The following HABP4 variants were observed in gnomAD, a reference collection of about 807,000 sequenced individuals.
The protein encoded by HABP4 is hyaluronan binding protein 4, also known as intracellular hyaluronan-binding protein 4.
In HABP4, 32 loss-of-function variants were observed where a neutral mutation model predicts 44.1. The observed-to-expected ratio is 0.73, with a 90% confidence interval of 0.55 to 0.97. The LOEUF is 0.97. Ranked by LOEUF, HABP4 falls within the 50% of genes least tolerant of loss-of-function variation. The pLI is 0.00. For synonymous variants in HABP4, 216 were observed against 218.0 expected (o/e 0.99, Z 0.08); for missense variants, 503 against 561.9 (o/e 0.90, Z 1.06).
intron 6 of HABP4, among the ~76,000 whole-genome samples, chr9:96,486,444 C>A (rs1481780708): frequency 6.6e-6 from 1 of 152,160 alleles, no homozygotes; most frequent in Non-Finnish European, 1.5e-5. Flanking sequence ...ATAAAAATTT[C>A]TCTAAAACAA....
intron 2 of HABP4, among the ~76,000 whole-genome samples, chr9:96,459,731 T>C (rs1474751080): frequency 6.6e-6 from 1 of 152,150 alleles, no homozygotes; most frequent in Admixed American, 6.5e-5. Flanking sequence ...AAAACTATAC[T>C]ATAGAGCCTA....
At position 96,450,778 on chromosome 9, in the gene HABP4, G is replaced by A. The variant is rs945680212; in HGVS notation, c.349+150G>A. 8.2e-6 allele frequency: 5 copies of A among 610,872 alleles called. No individual in the cohort carries two copies. The highest frequency in any genetic ancestry group is 7.0e-6 in the Non-Finnish European group (3 of 427,262). 37.8% of individuals were successfully genotyped at this position (610,872 alleles called of 1,614,324 possible). On this transcript the variant is annotated intron_variant, in intron 1 of 7. Transcript: ENST00000375249. This position sits in a 1 kb window ranked among gnomAD's most constrained non-coding sequence, Gnocchi z 4.8. ...CGAAGGTAGGAGGAGAGGGGCAGGG[G>A]TCACACCCCTTCCAGCTCTCGCCAG...
chr9:96,460,445 CATG>C (rs1461564574), intron 2 of HABP4, among the ~76,000 whole-genome samples: 1 of 152,178 alleles, frequency 6.6e-6, no homozygotes, highest in African/African-American at 2.4e-5. Context: ...TTCCTAAAAA[CATG>C]ATACAATTTT....
Position 96,458,315 on chromosome 9 carries a change from A to G in HABP4, c.350-64A>G, listed in dbSNP as rs941472856. ...AAATGAAATTTACAAGTACCTGTAAAGTTTAATAGTGTGCTGTTGCAGATG... is the reference window on the plus strand; with the variant it reads ...AAATGAAATTTACAAGTACCTGTAAGGTTTAATAGTGTGCTGTTGCAGATG... On this transcript the variant is annotated intron_variant, in intron 1 of 7. Coordinates refer to ENST00000375249, the MANE Select transcript of HABP4 (RefSeq NM_014282.4). 9.9e-6 allele frequency: 14 copies of G among 1,419,926 alleles called. No homozygotes were observed. In the African/African-American group the frequency reaches 2.0e-4, roughly 20 times the overall value. 88.0% of individuals were successfully genotyped at this position (1,419,926 alleles called of 1,614,324 possible). A position where few individuals can be genotyped will look rare whatever the true frequency, so the allele number is the denominator to read the frequency against.
At chr9:96,452,360 A>G (rs1444191322) in intron 1 of HABP4, among the ~76,000 whole-genome samples, 1 of 152,148 alleles carries the variant, frequency 6.6e-6, no homozygotes, top group Non-Finnish European at 1.5e-5. Context: ...TCCAAAATGT[A>G]TGAGGTTAAG....
Position 96,463,219 on chromosome 9 carries a change from T to C in HABP4, c.513-2118T>C, listed in dbSNP as rs1011471087. 2.0e-5 allele frequency among the ~76,000 whole-genome samples: 3 copies of C among 152,018 alleles called. No homozygotes were observed. The East Asian group carries it at 5.8e-4, about 29-fold the overall frequency. On this transcript the variant is annotated intron_variant, in intron 2 of 7. Transcript: ENST00000375249. ...CGTTGGCCTCCCAAAGTTCTGGGAT[T>C]GCAGGAGTGAGCCACCACTCCTAGC...
intron 4 of HABP4, among the ~76,000 whole-genome samples, chr9:96,468,385 G>A (rs111564870): frequency 7.9e-5 from 12 of 151,616 alleles, no homozygotes; most frequent in African/African-American, 2.7e-4. Context: ...AGCTTCCCCC[G>A]CAGCTGGGAC....
intron 1 of HABP4, among the ~76,000 whole-genome samples, chr9:96,452,633 G>GT (rs1212317154): frequency 2.0e-5 from 3 of 151,998 alleles, no homozygotes; most frequent in Non-Finnish European, 4.4e-5. Flanking sequence ...TCTTTTTCAA[G>GT]TATGTGTTAT....
chr9:96,473,262 C>G (rs1387740722), intron 5 of HABP4, among the ~76,000 whole-genome samples: 1 of 152,156 alleles, frequency 6.6e-6, no homozygotes, highest in African/African-American at 2.4e-5. Flanking sequence ...CCAGCCTGAC[C>G]GAGACTGAGC....
intron 5 of HABP4, among the ~76,000 whole-genome samples, chr9:96,478,452 G>T (rs183228467): frequency 2.0e-3 from 302 of 152,152 alleles, no homozygotes; most frequent in Non-Finnish European, 3.0e-3. Flanking sequence ...ATATACAAGT[G>T]TTTATATGGA....
In HABP4 at chr9:96,459,900, G is replaced by A. The variant is rs373547469; in HGVS notation, c.512+1359G>A. Among the ~76,000 whole-genome samples, 190 of 152,312 alleles carry A rather than the reference G, an allele frequency of 1.2e-3. 1 individual carries two copies. The highest frequency in any genetic ancestry group is 4.5e-3 in the African/African-American group (185 of 41,560). On this transcript the variant is annotated intron_variant, in intron 2 of 7. Transcript: ENST00000375249. ...TGTTGGAGGGAGAAACTTACAGAAAGCCTTAATTTTGCACCTTTTTTGGTG... is the reference window on the plus strand; with the variant it reads ...TGTTGGAGGGAGAAACTTACAGAAAACCTTAATTTTGCACCTTTTTTGGTG...
chr9:96,451,204 G>A (rs1832270127), intron 1 of HABP4, among the ~76,000 whole-genome samples: 1 of 152,214 alleles, frequency 6.6e-6, no homozygotes, highest in South Asian at 2.1e-4. Context: ...GGAGGCAGCC[G>A]GCATCGTATT....
In HABP4 at chr9:96,490,153, A is replaced by G. The variant is rs2131168631; in HGVS notation, c.*115A>G. The G allele has an allele frequency of 1.4e-6, 1 of 723,614 alleles. No individual in the cohort carries two copies. Among genetic ancestry groups the G allele is most frequent in the Non-Finnish European group, 2.5e-6 (1 of 403,046 alleles). 44.8% of individuals were successfully genotyped at this position (723,614 alleles called of 1,614,324 possible). ...CAATAGATGTTGCTTTTCCCGTGTC[A>G]TGTAAATTTGTTGCACTTTTTTGGG... is the stretch of plus-strand genomic sequence containing the variant. On this transcript the variant is annotated 3_prime_UTR_variant, in exon 8 of 8. Transcript: ENST00000375249.
At chr9:96,457,842 G>A (rs115344030) in intron 1 of HABP4, among the ~76,000 whole-genome samples, 315 of 152,236 alleles carry the variant, frequency 2.1e-3, no homozygotes, top group African/African-American at 7.3e-3. Flanking sequence ...ACTGCACTTC[G>A]GGCTGGGTGA....
Position 96,450,262 on chromosome 9 carries a change from C to G in HABP4, c.-18C>G, listed in dbSNP as rs1461635669. The G allele has an allele frequency of 7.1e-7, 1 of 1,418,402 alleles. No individual in the cohort carries two copies. Among genetic ancestry groups the G allele is most frequent in the Non-Finnish European group, 9.3e-7 (1 of 1,074,704 alleles). The allele number at this position is 1,418,402 out of a possible 1,614,324, so 87.9% of individuals were successfully genotyped here. ...CTCGCGTGGGCTGCCCTCCCGGGCC[C>G]GCAGTGGTCGCGGCGGCATGAAGGG... On this transcript the variant is annotated 5_prime_UTR_variant, in exon 1 of 8. Transcript: ENST00000375249. The surrounding 1 kb of genome is among the most constrained non-coding windows in gnomAD (Gnocchi z 4.8).
At chr9:96,454,586 A>C (rs1321708363) in intron 1 of HABP4, among the ~76,000 whole-genome samples, 1 of 151,718 alleles carries the variant, frequency 6.6e-6, no homozygotes, top group African/African-American at 2.4e-5. Flanking sequence ...AGTAGCTGGG[A>C]CTACAGACGC....
At chr9:96,475,585 G>A (rs921693308) in intron 5 of HABP4, among the ~76,000 whole-genome samples, 7 of 152,224 alleles carry the variant, frequency 4.6e-5, no homozygotes, top group East Asian at 3.9e-4. Context: ...GTGCAGAGCC[G>A]GAATTTGAAC....
rs34929442 is a variant in HABP4 at position 96,455,457 on chromosome 9, CAAAA to C, written c.350-2903_350-2900del. Among the ~76,000 whole-genome samples, 50 of 62,996 alleles carry C rather than the reference CAAAA, an allele frequency of 7.9e-4. No homozygotes were observed. In the South Asian group the frequency reaches 0.029, roughly 37 times the overall value. 41.3% of individuals were successfully genotyped at this position (62,996 alleles called of 152,430 possible). A position where few individuals can be genotyped will look rare whatever the true frequency, so the allele number is the denominator to read the frequency against. On this transcript the variant is annotated intron_variant, in intron 1 of 7. Transcript: ENST00000375249. The stretch of plus-strand genomic sequence containing the variant: ...TCTGGGTGACGGAGTGAGACTGTCT[CAAAA>C]AAAAAAAAAAAAAAAAAAGTGGCCA...
intron 3 of HABP4, 98 bp downstream of exon 3, chr9:96,465,596 T>A: frequency 8.7e-7 from 1 of 1,144,938 alleles, no homozygotes; most frequent in Non-Finnish European, 1.3e-6. Flanking sequence ...TATAGTACTG[T>A]GCTGTTATTC....
Sources: allele counts gnomAD v4.1 joint callset (sites outside exome capture counted in the v4.1 genomes callset), GRCh38; gene constraint gnomAD v4.1.1; non-coding constraint Gnocchi (gnomAD v3.1); transcripts MANE v1.5; gene names NCBI Gene and HGNC (gene_info 2026-07-23, HGNC 2026-07-21).